Variants in ZNF532 observed in about 807,000 individuals in gnomAD.
The protein encoded by ZNF532 is zinc finger protein 532.
ZNF532 carries 22 observed loss-of-function variants against 89.3 expected under a neutral mutation model. That is an observed-to-expected ratio of 0.25 (90% CI 0.18 to 0.35). The LOEUF (loss-of-function observed/expected upper bound fraction) is 0.35. ZNF532 is among the 10% of genes least tolerant of loss of function. ZNF532 has a pLI of 1.00. For missense variants in ZNF532, 1,132 were observed against 1,643.4 expected, an observed-to-expected ratio of 0.69 and a Z score of 5.38; for synonymous variants, 606 against 649.6, an observed-to-expected ratio of 0.93 and a Z score of 1.02.
chr18:58,916,818 A>G (rs756140435), intron 2 of ZNF532: 100 of 737,660 alleles, frequency 1.4e-4, no homozygotes, highest in Non-Finnish European at 1.6e-4. Context: ...CTGAGTAGAA[A>G]TTCTCTCTTG....
At chr18:58,937,353 G>C (rs2062567851) in intron 4 of ZNF532, among the ~76,000 whole-genome samples, 1 of 152,122 alleles carries the variant, frequency 6.6e-6, no homozygotes, top group Admixed American at 6.5e-5. Flanking sequence ...CCTGTAAGCA[G>C]ATGTTTTATG....
At chr18:58,974,193 G>A (rs72961154) in intron 7 of ZNF532, among the ~76,000 whole-genome samples, 7,057 of 152,256 alleles carry the variant, frequency 0.046, 212 homozygotes, top group Non-Finnish European at 0.068. Context: ...TAAACAATAT[G>A]AAGGAATATA....
chr18:58,888,869 A>AAT (rs2058651802), intron 2 of ZNF532, among the ~76,000 whole-genome samples: 1 of 42,676 alleles, frequency 2.3e-5, no homozygotes, highest in Non-Finnish European at 3.7e-5. Context: ...TATATATATA[A>AAT]TATATATTAT....
intron 2 of ZNF532, among the ~76,000 whole-genome samples, chr18:58,875,525 CT>C (rs1197840100): frequency 6.6e-6 from 1 of 152,132 alleles, no homozygotes; most frequent in Non-Finnish European, 1.5e-5. Flanking sequence ...AGTTTGGCCC[CT>C]TTTTCTCTCT....
At chr18:58,960,997 T>C (rs8091206) in intron 7 of ZNF532, among the ~76,000 whole-genome samples, 86,899 of 152,086 alleles carry the variant, frequency 0.57, 25,531 homozygotes, top group African/African-American at 0.7. Context: ...TATCTTGCTA[T>C]AACCCATCCT....
intron 7 of ZNF532, among the ~76,000 whole-genome samples, chr18:58,959,281 G>GTTTTTTTTTTTTTT (rs778004492): frequency 3.3e-5 from 4 of 120,832 alleles, no homozygotes; most frequent in East Asian, 3.0e-4. Flanking sequence ...TTTTTTTTTG[G>GTTTTTTTTTTTTTT]TTTTTTTTTT....
intron 4 of ZNF532, among the ~76,000 whole-genome samples, chr18:58,934,832 T>C (rs1186860697): frequency 6.6e-6 from 1 of 152,168 alleles, no homozygotes; most frequent in African/African-American, 2.4e-5. Context: ...TCATGGGGCC[T>C]GTCCTTTTAG....
intron 7 of ZNF532, among the ~76,000 whole-genome samples, chr18:58,974,067 T>C (rs769149779): frequency 7.2e-5 from 11 of 152,222 alleles, no homozygotes; most frequent in Non-Finnish European, 1.6e-4. Context: ...GTGGCACTTA[T>C]TCATAGAACT....
intron 7 of ZNF532, among the ~76,000 whole-genome samples, chr18:58,964,599 T>C (rs2065731992): frequency 6.6e-6 from 1 of 151,744 alleles, no homozygotes. Flanking sequence ...TTTTTCTTTT[T>C]TTTTTTAGAC....
chr18:58,931,762 C>A (rs2061981303), intron 3 of ZNF532: 1 of 151,294 alleles, frequency 6.6e-6, no homozygotes, highest in African/African-American at 2.4e-5. Context: ...TATGGTGAGA[C>A]CCTGTCTGTA....
intron 5 of ZNF532, among the ~76,000 whole-genome samples, chr18:58,945,236 G>A (rs1295169525): frequency 6.6e-6 from 1 of 152,122 alleles, no homozygotes; most frequent in African/African-American, 2.4e-5. Flanking sequence ...CCCTCACTTG[G>A]TCTGTCACTG....
At chr18:58,921,318 T>C (rs934886684) in intron 3 of ZNF532, among the ~76,000 whole-genome samples, 5 of 152,202 alleles carry the variant, frequency 3.3e-5, no homozygotes, top group Admixed American at 3.3e-4. Flanking sequence ...GCTCCTGAGT[T>C]AGTGACAATT....
At chr18:58,971,318 C>CTTTA (rs2066456161) in intron 7 of ZNF532, among the ~76,000 whole-genome samples, 1 of 152,106 alleles carries the variant, frequency 6.6e-6, no homozygotes, top group African/African-American at 2.4e-5. Context: ...TTATGACTGG[C>CTTTA]TTTAGATTAT....
chr18:58,930,820 T>G (rs1277038684), intron 3 of ZNF532, among the ~76,000 whole-genome samples: 1 of 152,128 alleles, frequency 6.6e-6, no homozygotes, highest in Non-Finnish European at 1.5e-5. Context: ...TAATACCTAA[T>G]AGTGTAAATA....
chr18:58,900,713 C>T (rs1465189979), intron 2 of ZNF532, among the ~76,000 whole-genome samples: 3 of 152,146 alleles, frequency 2.0e-5, no homozygotes, highest in Non-Finnish European at 2.9e-5. Flanking sequence ...TTTTGGCAAC[C>T]GTTATTGACA....
intron 6 of ZNF532, 61 bp from the exon 7 acceptor site, chr18:58,953,457 C>A: frequency 7.0e-7 from 1 of 1,433,040 alleles, no homozygotes; most frequent in Non-Finnish European, 9.6e-7. Flanking sequence ...AGATAGCATA[C>A]TTGTGCTTTC....
chr18:58,946,059 T>C (rs375761356), intron 5 of ZNF532, among the ~76,000 whole-genome samples: 11 of 152,086 alleles, frequency 7.2e-5, no homozygotes, highest in Non-Finnish European at 1.5e-4. Context: ...AATTGTCCTA[T>C]GCCAATTACA....
intron 3 of ZNF532, among the ~76,000 whole-genome samples, chr18:58,923,303 C>G (rs567758456): frequency 1.3e-5 from 2 of 151,262 alleles, no homozygotes; most frequent in African/African-American, 4.9e-5. Flanking sequence ...TCCTCCTGTT[C>G]CTCGTCTCCC....
chr18:58,904,212 G>A (rs551306944), intron 2 of ZNF532, among the ~76,000 whole-genome samples: 1 of 152,162 alleles, frequency 6.6e-6, no homozygotes, highest in East Asian at 1.9e-4. Flanking sequence ...TTAGTCAGGT[G>A]TGGTGGTGTG....
Sources: allele counts gnomAD v4.1 joint callset (sites outside exome capture counted in the v4.1 genomes callset), GRCh38; gene constraint gnomAD v4.1.1; transcripts MANE v1.5; gene names NCBI Gene and HGNC (gene_info 2026-07-23, HGNC 2026-07-21).